Variants in SGCZ observed in about 807,000 individuals in gnomAD.
SGCZ encodes the protein zeta-sarcoglycan.
In SGCZ, 40 loss-of-function variants were observed where a neutral mutation model predicts 41.3. The observed-to-expected ratio is 0.97, with a 90% CI of 0.75 to 1.26. SGCZ has a LOEUF of 1.26. Among genes scored for constraint, SGCZ ranks in the 50% most tolerant of loss-of-function variants. The pLI is 0.00. For missense variants in SGCZ, 552 were observed against 369.8 expected (o/e 1.49, Z -4.04); for synonymous variants, 206 against 137.5 (o/e 1.50, Z -3.49).
intron 5 of SGCZ, among the ~76,000 whole-genome samples, chr8:14,135,674 A>G (rs1050482646): frequency 9.9e-5 from 15 of 152,230 alleles, no homozygotes; most frequent in Non-Finnish European, 1.6e-4. Context: ...TTGCTTCCAA[A>G]AAAAGTCTTC....
chr8:14,726,894 G>A (rs180934591), intron 1 of SGCZ, among the ~76,000 whole-genome samples: 1 of 151,900 alleles, frequency 6.6e-6, no homozygotes, highest in Admixed American at 6.6e-5. Context: ...TCAACAAATA[G>A]CAAAGAAAGT....
intron 1 of SGCZ, among the ~76,000 whole-genome samples, chr8:15,102,822 T>A (rs912489602): frequency 3.9e-5 from 6 of 152,194 alleles, no homozygotes; most frequent in Non-Finnish European, 8.8e-5. Context: ...AGTCTTACAT[T>A]TCTAATGAAT....
intron 1 of SGCZ, among the ~76,000 whole-genome samples, chr8:14,782,427 G>A (rs987606167): frequency 1.3e-5 from 2 of 152,096 alleles, no homozygotes; most frequent in African/African-American, 4.8e-5. Context: ...GTATCTGTGT[G>A]TTTGGTTTTG....
chr8:15,209,632 T>C (rs571612754), intron 1 of SGCZ, among the ~76,000 whole-genome samples: 24 of 152,236 alleles, frequency 1.6e-4, no homozygotes, highest in African/African-American at 5.3e-4. Flanking sequence ...GTGAGAAGAT[T>C]GAAGTTTAAA....
intron 5 of SGCZ, among the ~76,000 whole-genome samples, chr8:14,137,427 C>G (rs150387228): frequency 2.0e-5 from 3 of 152,016 alleles, no homozygotes; most frequent in Non-Finnish European, 4.4e-5. Context: ...AGCTAAAAAC[C>G]TTGAAAAAAT....
intron 1 of SGCZ, among the ~76,000 whole-genome samples, chr8:15,208,091 A>G (rs774252914): frequency 6.6e-6 from 1 of 152,220 alleles, no homozygotes; most frequent in African/African-American, 2.4e-5. Context: ...AAGAAAGAGT[A>G]ATAAAACAGC....
At chr8:14,720,731 C>A (rs1227837944) in intron 1 of SGCZ, among the ~76,000 whole-genome samples, 2 of 151,962 alleles carry the variant, frequency 1.3e-5, no homozygotes, top group Non-Finnish European at 2.9e-5. Context: ...GCAACATAGA[C>A]CACGTAAACT....
At chr8:14,566,615 C>T (rs1804370928) in intron 1 of SGCZ, among the ~76,000 whole-genome samples, 1 of 152,240 alleles carries the variant, frequency 6.6e-6, no homozygotes, top group Admixed American at 6.5e-5. Flanking sequence ...ACTGATGCTA[C>T]CTTCTTCTTT....
chr8:14,275,800 C>T (rs911169197), intron 3 of SGCZ, among the ~76,000 whole-genome samples: 1 of 152,140 alleles, frequency 6.6e-6, no homozygotes, highest in Admixed American at 6.6e-5. Flanking sequence ...AGGCTGGTTT[C>T]ATGCCCCTGG....
At chr8:14,947,734 C>T (rs1800500402) in intron 1 of SGCZ, among the ~76,000 whole-genome samples, 2 of 152,090 alleles carry the variant, frequency 1.3e-5, no homozygotes, top group Non-Finnish European at 2.9e-5. Flanking sequence ...ATGATGTTAC[C>T]TCACAAGGAT....
chr8:14,652,677 G>C (rs924041716), intron 1 of SGCZ, among the ~76,000 whole-genome samples: 4 of 151,862 alleles, frequency 2.6e-5, no homozygotes, highest in Non-Finnish European at 5.9e-5. Flanking sequence ...AAATTAGTTA[G>C]GTATAATATT....
intron 1 of SGCZ, among the ~76,000 whole-genome samples, chr8:14,575,248 T>C (rs536976383): frequency 3.5e-4 from 53 of 152,272 alleles, no homozygotes; most frequent in African/African-American, 1.3e-3. Context: ...GGTAAAGAAG[T>C]AAACCACTGG....
intron 1 of SGCZ, among the ~76,000 whole-genome samples, chr8:14,752,000 T>C (rs1455241550): frequency 6.6e-6 from 1 of 151,478 alleles, no homozygotes; most frequent in Non-Finnish European, 1.5e-5. Flanking sequence ...AATGGAACTA[T>C]TGTCAACATT....
intron 1 of SGCZ, among the ~76,000 whole-genome samples, chr8:14,571,460 G>GGTAT (rs1356999151): frequency 6.6e-6 from 1 of 152,132 alleles, no homozygotes; most frequent in African/African-American, 2.4e-5. Context: ...ATCTGGCTGT[G>GGTAT]GTATGCCCAA....
At chr8:14,876,776 G>A (rs1175193460) in intron 1 of SGCZ, among the ~76,000 whole-genome samples, 2 of 152,126 alleles carry the variant, frequency 1.3e-5, no homozygotes, top group East Asian at 1.9e-4. Flanking sequence ...AATTAGGAAG[G>A]AGAAATTATA....
intron 1 of SGCZ, among the ~76,000 whole-genome samples, chr8:15,156,339 G>A (rs115784689): frequency 0.012 from 1,769 of 152,178 alleles, 39 homozygotes; most frequent in African/African-American, 0.039. Flanking sequence ...TTGTCATTTA[G>A]GGTAGAAATA....
chr8:14,271,999 A>G (rs1476123366), intron 3 of SGCZ, among the ~76,000 whole-genome samples: 1 of 152,020 alleles, frequency 6.6e-6, no homozygotes, highest in Non-Finnish European at 1.5e-5. Flanking sequence ...TCACTTACCA[A>G]TGCCCTAAGT....
chr8:14,146,595 A>G (rs1181858385), intron 5 of SGCZ, among the ~76,000 whole-genome samples: 1 of 152,174 alleles, frequency 6.6e-6, no homozygotes, highest in Non-Finnish European at 1.5e-5. Context: ...TAAATAGACT[A>G]AATTATAAAG....
chr8:14,560,401 G>T (rs2117205027), intron 1 of SGCZ, among the ~76,000 whole-genome samples: 1 of 151,964 alleles, frequency 6.6e-6, no homozygotes, highest in African/African-American at 2.4e-5. Context: ...GGAGCTCTGG[G>T]GATGATCACA....
Sources: gnomAD v4.1 joint callset for allele counts (sites outside exome capture counted in the v4.1 genomes callset) on GRCh38, gnomAD v4.1.1 for gene constraint, MANE v1.5 for transcripts, NCBI Gene and HGNC (gene_info 2026-07-23, HGNC 2026-07-21) for gene names.